BSN: variants seen among roughly 807,000 people sequenced by gnomAD.
BSN encodes the protein protein bassoon.
A neutral mutation model predicts 264.8 loss-of-function variants in BSN; 57 were observed. The observed-to-expected ratio is 0.22, with a 90% CI of 0.17 to 0.27. BSN has a LOEUF of 0.27. Among genes scored for constraint, BSN ranks in the 10% least tolerant of loss-of-function variants. BSN has a pLI of 1.00. For synonymous variants in BSN, 2,059 were observed against 2,137.3 expected, an observed-to-expected ratio of 0.96 and a Z score of 1.01; for missense variants, 4,615 against 5,232.5, an observed-to-expected ratio of 0.88 and a Z score of 3.64.
Position 49,651,337 on chromosome 3 carries a change from C to A in BSN, c.1987-206C>A. 1.5e-6 allele frequency: 1 copy of A among 654,230 alleles called. No individual in the cohort carries two copies. The highest frequency in any genetic ancestry group is 2.5e-6 in the Non-Finnish European group (1 of 398,860). 40.5% of individuals were successfully genotyped at this position (654,230 alleles called of 1,614,324 possible). A position where few individuals can be genotyped will look rare whatever the true frequency, so the allele number is the denominator to read the frequency against. On this transcript the variant is annotated intron_variant, in intron 4 of 11. Coordinates refer to ENST00000296452, the MANE Select transcript of BSN (RefSeq NM_003458.4). This position sits in a 1 kb window ranked among gnomAD's most constrained non-coding sequence, Gnocchi z 5.4. ...GATACCCTTTGATCTAGTAAAGTTT[C>A]TCTTTGAAGACCAAGGGCTGGTTTG...
Position 49,642,715 on chromosome 3 carries a change from G to T in BSN, c.1081G>T (p.Ala361Ser). Reference sequence around the variant, plus strand: ...CCTTGGCGCGTCACTGCTAACCCAGGCGAGCACCCTCATGTCTGTGCAGCC... The same window carrying T: ...CCTTGGCGCGTCACTGCTAACCCAGTCGAGCACCCTCATGTCTGTGCAGCC... ...FGLGASLLTQ[A>S]STLMSVQPEA... Residue 361 changes from alanine (A) to serine (S), a missense_variant, in exon 3 of 12, where the codon GCG becomes TCG. Physicochemically the swap from Ala to Ser is moderately conservative, Grantham distance 99. Coordinates refer to ENST00000296452, the MANE Select transcript of BSN (RefSeq NM_003458.4). This position sits in a 1 kb window ranked among gnomAD's most constrained non-coding sequence, Gnocchi z 7.0. 1 of 1,613,436 alleles carries T rather than the reference G, an allele frequency of 6.2e-7. No individual in the cohort carries two copies. The highest frequency in any genetic ancestry group is 1.3e-5 in the African/African-American group (1 of 75,062).
At position 49,652,505 on chromosome 3, in the gene BSN, G is replaced by T. The variant is rs1341553003; in HGVS notation, c.2949G>T (p.Leu983Phe). 1.9e-6 allele frequency: 3 copies of T among 1,613,584 alleles called. No homozygotes were observed. In the South Asian group the frequency reaches 3.3e-5, roughly 18 times the overall value. Residue 983 changes from leucine to phenylalanine, a missense_variant, in exon 5 of 12, where the codon TTG becomes TTT. Transcript: ENST00000296452. Reference protein sequence around the residue: ...DRSRGEHSSTLPASTPSYTSG... With the variant: ...DRSRGEHSSTFPASTPSYTSG... ...CCCGTGGTGAGCACTCCTCTACATT[G>T]CCTGCCTCCACACCCAGCTACACCT...
At chr3:49,673,030 C>T (rs1308704869), downstream of BSN, among the ~76,000 whole-genome samples, 10 of 142,396 alleles carry the variant, frequency 7.0e-5, no homozygotes, top group Non-Finnish European at 1.2e-4. Context: ...CCGCCCGCCT[C>T]GGCCTTCCAA....
intron 1 of BSN, among the ~76,000 whole-genome samples, chr3:49,613,694 G>C (rs1272926933): frequency 6.7e-6 from 1 of 150,186 alleles, no homozygotes; most frequent in African/African-American, 2.5e-5. Flanking sequence ...TTTTGGTAGA[G>C]ATGGGGTTTC....
chr3:49,642,843 G>T lies in BSN; in HGVS notation c.1209G>T (p.Gly403=). 1 of 1,613,356 alleles carries T rather than the reference G, an allele frequency of 6.2e-7. No homozygotes were observed. The highest frequency in any genetic ancestry group is 8.5e-7 in the Non-Finnish European group (1 of 1,179,794). Residue 403 remains glycine, a synonymous_variant, in exon 3 of 12, where the codon GGG becomes GGT. Transcript: ENST00000296452. This position sits in a 1 kb window ranked among gnomAD's most constrained non-coding sequence, Gnocchi z 7.0. The part of the protein sequence containing the change: ...KEAGPKPLGS[G]PGPGPAPGAK... ...CTGGCCCAAAACCCTTGGGCTCAGG[G>T]CCCGGGCCTGGGCCAGCACCTGGAG...
chr3:49,589,169 C>T (rs1292170744), intron 1 of BSN, among the ~76,000 whole-genome samples: 2 of 150,766 alleles, frequency 1.3e-5, no homozygotes, highest in Admixed American at 6.6e-5. Flanking sequence ...GCCTCGGCCT[C>T]CCAAAGTGCT....
At chr3:49,664,593 C>T (rs111911439) in intron 9 of BSN, 39 bp downstream of exon 9, 499 of 1,564,098 alleles carry the variant, frequency 3.2e-4, no homozygotes, top group Middle Eastern at 2.6e-3. Flanking sequence ...TGGGTGGCTA[C>T]TCTGGTACAG....
intron 2 of BSN, among the ~76,000 whole-genome samples, chr3:49,640,110 G>A (rs914484238): frequency 3.3e-5 from 5 of 152,266 alleles, no homozygotes; most frequent in African/African-American, 1.2e-4. Flanking sequence ...GGTGATGACT[G>A]GGTGGCCAAT....
At chr3:49,565,945 C>T (rs1300308166) in intron 1 of BSN, among the ~76,000 whole-genome samples, 1 of 152,222 alleles carries the variant, frequency 6.6e-6, no homozygotes, top group Non-Finnish European at 1.5e-5. Flanking sequence ...GCCTCAGCCT[C>T]TCGAGTAGCT....
chr3:49,628,321 C>T (rs2052358641), intron 2 of BSN, among the ~76,000 whole-genome samples: 1 of 152,120 alleles, frequency 6.6e-6, no homozygotes, highest in African/African-American at 2.4e-5. Flanking sequence ...AGAACTTGGC[C>T]CCACTGGGCA....
intron 1 of BSN, among the ~76,000 whole-genome samples, chr3:49,591,857 C>T (rs139484482): frequency 3.9e-5 from 6 of 152,110 alleles, no homozygotes; most frequent in Non-Finnish European, 7.4e-5. Flanking sequence ...CCAAAGGGTA[C>T]GATTACAGGC....
rs1443821332 is a variant in BSN, at chr3:49,664,429, A to G, written c.11615A>G (p.Lys3872Arg). ...GCGATTTCTTTCCTCCTAGGTGTGA[A>G]GGCTGGAGCCAGGCCTGGAGGAACC... ...PAPGPGPAGV[K>R]AGARPGGTPG... Residue 3872 changes from lysine to arginine, a missense_variant, in exon 9 of 12, where the codon AAG becomes AGG. Lys to Arg is a conservative substitution (Grantham distance 26). Transcript: ENST00000296452. 1.2e-6 allele frequency: 2 copies of G among 1,613,706 alleles called. No individual in the cohort carries two copies.
intron 1 of BSN, among the ~76,000 whole-genome samples, chr3:49,569,824 C>T (rs750136474): frequency 3.9e-5 from 6 of 152,170 alleles, no homozygotes; most frequent in Non-Finnish European, 8.8e-5. Flanking sequence ...AGCCCTCACT[C>T]CTGTTCAGTA....
At chr3:49,631,557 C>CAA (rs1289540648) in intron 2 of BSN, among the ~76,000 whole-genome samples, 11 of 67,800 alleles carry the variant, frequency 1.6e-4, no homozygotes, top group South Asian at 4.7e-4. Flanking sequence ...GACTCTGTCT[C>CAA]AAAAAAAAAA....
chr3:49,632,761 A>G (rs1465565709), intron 2 of BSN, among the ~76,000 whole-genome samples: 1 of 151,452 alleles, frequency 6.6e-6, no homozygotes, highest in Admixed American at 6.6e-5. Flanking sequence ...TCAAGATCGC[A>G]CTACTGGGTG....
Position 49,660,401 on chromosome 3 carries a change from C to G in BSN, c.8641-85C>G. ...AGATGGAACCCAGCTCCTTCCCCAG[C>G]CCAGGCCTGGGTTCTGCCACCCCAC... On this transcript the variant is annotated intron_variant, in intron 5 of 11. Coordinates refer to ENST00000296452, the MANE Select transcript of BSN (RefSeq NM_003458.4). This position sits in a 1 kb window ranked among gnomAD's most constrained non-coding sequence, Gnocchi z 7.1. 1 of 1,504,176 alleles carries G rather than the reference C, an allele frequency of 6.6e-7. No homozygotes were observed. The highest frequency in any genetic ancestry group is 8.9e-7 in the Non-Finnish European group (1 of 1,127,756). 93.2% of individuals were successfully genotyped at this position (1,504,176 alleles called of 1,614,324 possible).
chr3:49,630,081 A>G (rs1440916794), intron 2 of BSN, among the ~76,000 whole-genome samples: 1 of 152,266 alleles, frequency 6.6e-6, no homozygotes, highest in African/African-American at 2.4e-5. Flanking sequence ...CCAGGGCTCC[A>G]GATGGCTCGG....
At chr3:49,618,959 TACA>T in intron 1 of BSN, among the ~76,000 whole-genome samples, 1 of 152,350 alleles carries the variant, frequency 6.6e-6, no homozygotes, top group African/African-American at 2.4e-5. Flanking sequence ...AGAATACCTA[TACA>T]ACATGTATAA....
intron 1 of BSN, among the ~76,000 whole-genome samples, chr3:49,612,994 A>C (rs533100080): frequency 1.3e-5 from 2 of 152,078 alleles, no homozygotes; most frequent in Non-Finnish European, 2.9e-5. Flanking sequence ...CTACCTGGGC[A>C]TGGTGGCACA....
Sources: allele counts gnomAD v4.1 joint callset (sites outside exome capture counted in the v4.1 genomes callset), GRCh38; gene constraint gnomAD v4.1.1; non-coding constraint Gnocchi (gnomAD v3.1); transcripts MANE v1.5; gene names NCBI Gene and HGNC (gene_info 2026-07-23, HGNC 2026-07-21).